Variants in CPNE2 observed in about 807,000 individuals in gnomAD.
CPNE2 encodes the protein copine-2.
CPNE2 carries 42 observed loss-of-function variants against 69.7 expected under a neutral mutation model. The observed-to-expected ratio is 0.60, with a 90% CI of 0.47 to 0.78. CPNE2 has a LOEUF of 0.78. CPNE2 is among the 30% of genes least tolerant of loss of function. The pLI, the probability that CPNE2 is intolerant of heterozygous loss-of-function variation, is 0.00. For synonymous variants in CPNE2, 294 were observed against 289.8 expected (o/e 1.01, Z -0.15); for missense variants, 587 against 732.0 (o/e 0.80, Z 2.29).
chr16:57,128,743 C>T (rs1317021575), intron 12 of CPNE2, among the ~76,000 whole-genome samples: 1 of 152,176 alleles, frequency 6.6e-6, no homozygotes, highest in East Asian at 1.9e-4. Flanking sequence ...GCATTTCATC[C>T]GTCACCCCTC....
chr16:57,123,602 G>A, intron 10 of CPNE2, 129 bp downstream of exon 10: 1 of 995,294 alleles, frequency 1.0e-6, no homozygotes, highest in South Asian at 1.4e-5. Flanking sequence ...GGGGCAAAGA[G>A]TGTGTGCGGC....
At chr16:57,132,631 G>A (rs1213451178) in intron 12 of CPNE2, among the ~76,000 whole-genome samples, 2 of 152,318 alleles carry the variant, frequency 1.3e-5, no homozygotes, top group African/African-American at 2.4e-5. Context: ...CTGGCAGCCA[G>A]TCCCCAGGGG....
rs769545190 is a variant in CPNE2 at position 57,119,302 on chromosome 16, T to C, written c.591+24T>C. On this transcript the variant is annotated intron_variant, in intron 6 of 15. Coordinates refer to ENST00000290776, the MANE Select transcript of CPNE2 (RefSeq NM_152727.6). Reference sequence around the variant, plus strand: ...AGGTGGGTACGTGGGGGCCCAGGGATCTCTAAGCAGTGGGCCTGCAGTCCA... The same window carrying C: ...AGGTGGGTACGTGGGGGCCCAGGGACCTCTAAGCAGTGGGCCTGCAGTCCA... 12 of 1,610,872 alleles carry C rather than the reference T, an allele frequency of 7.4e-6. No individual in the cohort carries two copies. In the East Asian group the frequency reaches 2.5e-4, roughly 33 times the overall value.
intron 1 of CPNE2, among the ~76,000 whole-genome samples, chr16:57,105,688 C>T (rs1277758032): frequency 1.3e-5 from 2 of 152,124 alleles, no homozygotes; most frequent in Non-Finnish European, 2.9e-5. Flanking sequence ...ATTCCCAAGT[C>T]CTGTCCTCTC....
At position 57,119,575 on chromosome 16, in the gene CPNE2, A is replaced by G. The variant is rs778470273; in HGVS notation, c.606A>G (p.Thr202=). 1 of 1,612,806 alleles carries G rather than the reference A, an allele frequency of 6.2e-7. No homozygotes were observed. Among genetic ancestry groups the G allele is most frequent in the Non-Finnish European group, 8.5e-7 (1 of 1,179,486 alleles). The change falls in exon 7 of 16, where the codon ACA becomes ACG. Residue 202 remains threonine (T), a synonymous_variant. Transcript: ENST00000290776. ...LVHRTEVIKY[T]LDPVWKPFTV... is the part of the protein sequence containing the mutation. ...CTGTCCCACAGGTGATCAAGTACAC[A>G]CTGGACCCTGTGTGGAAGCCATTCA...
chr16:57,102,502 C>T lies in CPNE2; in HGVS notation c.-35-8206C>T, dbSNP rs113147778. On this transcript the variant is annotated intron_variant, in intron 1 of 15. Coordinates refer to ENST00000290776, the MANE Select transcript of CPNE2 (RefSeq NM_152727.6). ...CATAATTCAATCCCTAGTCCCCCGT[C>T]ACTACCATGGTCTCTCTGGGCTTCC... is the stretch of plus-strand genomic sequence containing the variant. Among the ~76,000 whole-genome samples, 1,019 of 152,312 alleles carry T rather than the reference C, an allele frequency of 6.7e-3. 11 individuals are homozygous for T. The highest frequency in any genetic ancestry group is 0.018 in the African/African-American group (746 of 41,554).
At chr16:57,147,054 G>T in intron 15 of CPNE2, 1 of 153,218 alleles carries the variant, frequency 6.5e-6, no homozygotes. Context: ...CATCCTCTGG[G>T]GTTGCCTGCG....
Position 57,146,111 on chromosome 16 carries a change from G to A in CPNE2, c.1329G>A (p.Thr443=), listed in dbSNP as rs200718508. 2.9e-5 allele frequency: 46 copies of A among 1,602,914 alleles called. No homozygotes were observed. Among genetic ancestry groups the A allele is most frequent in the Non-Finnish European group, 3.5e-5 (41 of 1,174,314 alleles). Residue 443 remains threonine (T), a synonymous_variant, in exon 15 of 16, where the codon ACG becomes ACA. Coordinates refer to ENST00000290776, the MANE Select transcript of CPNE2 (RefSeq NM_152727.6). The surrounding 1 kb of genome is among the most constrained non-coding windows in gnomAD (Gnocchi z 4.4). ...AGTACTTCATCCTCCTCATCATCACGGACGGGGTCATCAGTGACATGGAGG... is the reference window on the plus strand; with the variant it reads ...AGTACTTCATCCTCCTCATCATCACAGACGGGGTCATCAGTGACATGGAGG... The part of the protein sequence containing the change: ...ATQYFILLII[T]DGVISDMEET...
At chr16:57,094,184 GC>G in intron 1 of CPNE2, 1 of 428,478 alleles carries the variant, frequency 2.3e-6, no homozygotes, top group South Asian at 1.6e-5. Context: ...GGATGTGGAC[GC>G]TTGGGTTCGT....
intron 1 of CPNE2, among the ~76,000 whole-genome samples, chr16:57,101,164 T>TC (rs2069610954): frequency 2.0e-5 from 3 of 152,186 alleles, no homozygotes; most frequent in African/African-American, 7.2e-5. Context: ...CTGCCTGGGT[T>TC]TCCAGCCTTC....
intron 8 of CPNE2, 126 bp downstream of exon 8, chr16:57,121,317 T>G (rs111344145): frequency 1.4e-5 from 10 of 739,760 alleles, no homozygotes; most frequent in Non-Finnish European, 2.2e-5. Context: ...GAGCAAGGCA[T>G]TCAATCTAAG....
At position 57,130,686 on chromosome 16, in the gene CPNE2, G is replaced by A. The variant is rs1440285627; in HGVS notation, c.1116+2783G>A. Among the ~76,000 whole-genome samples, 1 of 152,074 alleles carries A rather than the reference G, an allele frequency of 6.6e-6. No homozygotes were observed. Among genetic ancestry groups the A allele is most frequent in the Non-Finnish European group, 1.5e-5 (1 of 68,028 alleles). The stretch of plus-strand genomic sequence containing the variant: ...GTTGGAGGCTGCCCCTGGGCCTGGT[G>A]AGGTAAGGCTGAGAAGAGACCATCC... On this transcript the variant is annotated intron_variant, in intron 12 of 15. Transcript: ENST00000290776. The surrounding 1 kb of genome is among the most constrained non-coding windows in gnomAD (Gnocchi z 4.1).
At chr16:57,123,708 T>A (rs2069779820) in intron 10 of CPNE2, 1 of 554,138 alleles carries the variant, frequency 1.8e-6, no homozygotes, top group Non-Finnish European at 3.2e-6. Flanking sequence ...CAGCTTTCAG[T>A]CTGGTGGCTA....
chr16:57,126,576 G>A (rs1274830717), intron 11 of CPNE2, among the ~76,000 whole-genome samples: 1 of 152,198 alleles, frequency 6.6e-6, no homozygotes, highest in Non-Finnish European at 1.5e-5. Flanking sequence ...AACAGGATAT[G>A]ACATCACTGT....
At chr16:57,109,266 G>A (rs766835418) in intron 1 of CPNE2, among the ~76,000 whole-genome samples, 18 of 152,144 alleles carry the variant, frequency 1.2e-4, no homozygotes, top group Non-Finnish European at 2.1e-4. Context: ...ACCTGAGGTC[G>A]GGAGTTTGAG....
chr16:57,120,287 G>C (rs2069752048), intron 7 of CPNE2, among the ~76,000 whole-genome samples: 1 of 139,130 alleles, frequency 7.2e-6, no homozygotes, highest in Admixed American at 7.0e-5. Flanking sequence ...AAAAAAAAAA[G>C]TTATAGGCCG....
intron 7 of CPNE2, among the ~76,000 whole-genome samples, chr16:57,120,519 G>A (rs1359401362): frequency 6.6e-6 from 1 of 152,202 alleles, no homozygotes; most frequent in Middle Eastern, 3.4e-3. Context: ...GGGTCTGAGA[G>A]CAGATGGGAC....
At chr16:57,093,221 C>T (rs1402012808) in intron 1 of CPNE2, among the ~76,000 whole-genome samples, 1 of 152,090 alleles carries the variant, frequency 6.6e-6, no homozygotes, top group African/African-American at 2.4e-5. Context: ...CTCCTCCCAC[C>T]CCTCAACACC....
At chr16:57,129,513 G>A (rs975781761) in intron 12 of CPNE2, among the ~76,000 whole-genome samples, 6 of 152,130 alleles carry the variant, frequency 3.9e-5, no homozygotes, top group African/African-American at 9.7e-5. Context: ...TAAGGTGGGA[G>A]TCCCAGGAGA....
Sources: gnomAD v4.1 joint callset for allele counts (sites outside exome capture counted in the v4.1 genomes callset) on GRCh38, gnomAD v4.1.1 for gene constraint, Gnocchi (gnomAD v3.1) non-coding constraint, MANE v1.5 for transcripts, NCBI Gene and HGNC (gene_info 2026-07-23, HGNC 2026-07-21) for gene names.